ANKRD30B: variants seen among roughly 807,000 people sequenced by gnomAD.
ANKRD30B encodes ankyrin repeat domain 30B, also known as ankyrin repeat domain-containing protein 30B.
A neutral mutation model predicts 202.2 loss-of-function variants in ANKRD30B; 144 were observed. The ratio of observed to expected loss-of-function variants is 0.71; its 90% CI spans 0.62 to 0.82. The LOEUF is 0.82. Ranked by LOEUF, ANKRD30B falls within the 40% of genes least tolerant of loss-of-function variation. The pLI, the probability that ANKRD30B is intolerant of heterozygous loss-of-function variation, is 0.00. For missense variants in ANKRD30B, 1,487 were observed against 1,669.1 expected, an observed-to-expected ratio of 0.89 and a Z score of 1.90; for synonymous variants, 508 against 561.3, an observed-to-expected ratio of 0.91 and a Z score of 1.34.
intron 16 of ANKRD30B, among the ~76,000 whole-genome samples, chr18:14,795,486 G>T (rs1227044949): frequency 2.0e-5 from 3 of 152,176 alleles, no homozygotes; most frequent in African/African-American, 7.2e-5. Context: ...CATGAGCCAT[G>T]CCACCTGGAC....
chr18:14,886,159 A>G, the ANKRD30B span, among the ~76,000 whole-genome samples: 1 of 151,940 alleles, frequency 6.6e-6, no homozygotes, highest in Non-Finnish European at 1.5e-5. Context: ...AATAGAAATC[A>G]AAAACAAAAA....
chr18:14,878,358 G>T, the ANKRD30B span, among the ~76,000 whole-genome samples: 1 of 137,918 alleles, frequency 7.3e-6, no homozygotes, highest in African/African-American at 2.5e-5. Context: ...TAGAAACTTT[G>T]TTTTGCAAAA....
chr18:14,797,485 G>C (rs1248175218), intron 18 of ANKRD30B, among the ~76,000 whole-genome samples, 176 bp from the exon 19 acceptor site: 1 of 152,084 alleles, frequency 6.6e-6, no homozygotes, highest in Non-Finnish European at 1.5e-5. Context: ...AGTTTCAGGG[G>C]GTCTCCCTAC....
chr18:14,913,226 G>A, the ANKRD30B span, among the ~76,000 whole-genome samples: 5 of 152,180 alleles, frequency 3.3e-5, no homozygotes, highest in Non-Finnish European at 7.3e-5. Flanking sequence ...CAGCCTTTTA[G>A]TTACCCAGGG....
rs895718732 is a variant in ANKRD30B, at chr18:14,854,400, T to A, written c.*242T>A. Among the ~76,000 whole-genome samples, 2 of 152,176 alleles carry A rather than the reference T, an allele frequency of 1.3e-5. No homozygotes were observed. The highest frequency in any genetic ancestry group is 4.8e-5 in the African/African-American group (2 of 41,452). ...AGAGATGTCCTGGCAGTGCTTCTGG[T>A]GTGTGGGATGGGGGTAGAATCCCAT... On this transcript the variant is annotated 3_prime_UTR_variant, in exon 44 of 44. Coordinates refer to ENST00000690538, the MANE Select transcript of ANKRD30B (RefSeq NM_001367607.2).
chr18:14,765,151 A>G (rs1421921539), intron 7 of ANKRD30B, among the ~76,000 whole-genome samples: 3 of 152,140 alleles, frequency 2.0e-5, no homozygotes, highest in Non-Finnish European at 4.4e-5. Flanking sequence ...CTTTTCCTGT[A>G]AAGTGCCAGA....
chr18:14,850,511 T>C (rs989200709), intron 41 of ANKRD30B, 129 bp downstream of exon 41: 63 of 992,978 alleles, frequency 6.3e-5, no homozygotes, highest in Non-Finnish European at 4.2e-5. Context: ...TAAAATTAAC[T>C]ATGACTTTTG....
the ANKRD30B span, among the ~76,000 whole-genome samples, chr18:14,900,382 T>C: frequency 1.3e-5 from 2 of 152,184 alleles, no homozygotes; most frequent in African/African-American, 4.8e-5. Context: ...TGTGCTTTTT[T>C]TCTACCCATT....
intron 10 of ANKRD30B, 49 bp downstream of exon 10, chr18:14,778,124 A>G: frequency 7.8e-7 from 1 of 1,277,194 alleles, no homozygotes; most frequent in Non-Finnish European, 1.1e-6. Context: ...ATGTTTGTCT[A>G]AATTCATGAG....
intron 24 of ANKRD30B, among the ~76,000 whole-genome samples, chr18:14,805,563 C>A (rs1340126221): frequency 6.6e-6 from 1 of 150,388 alleles, no homozygotes; most frequent in Non-Finnish European, 1.5e-5. Flanking sequence ...CTGATCAATT[C>A]ATAACACTTT....
chr18:14,881,455 T>G, the ANKRD30B span, among the ~76,000 whole-genome samples: 1 of 152,228 alleles, frequency 6.6e-6, no homozygotes, highest in Admixed American at 6.5e-5. Flanking sequence ...GTGGATTATC[T>G]TTTTGATATG....
chr18:14,817,598 C>T (rs535952619), intron 30 of ANKRD30B, among the ~76,000 whole-genome samples: 1 of 152,286 alleles, frequency 6.6e-6, no homozygotes, highest in South Asian at 2.1e-4. Flanking sequence ...TCAAAGCCAG[C>T]TATTTTCTTC....
the ANKRD30B span, among the ~76,000 whole-genome samples, chr18:14,864,342 CA>C: frequency 6.6e-6 from 1 of 151,680 alleles, no homozygotes; most frequent in Non-Finnish European, 1.5e-5. Context: ...CTCAAAAAAC[CA>C]AACCAAACCA....
chr18:14,914,264 T>C, the ANKRD30B span, among the ~76,000 whole-genome samples: 1 of 152,354 alleles, frequency 6.6e-6, no homozygotes, highest in Admixed American at 6.5e-5. Context: ...CTTTGTTCCA[T>C]GGCCTAGCTG....
chr18:14,791,321 G>T, intron 15 of ANKRD30B, 80 bp from the exon 16 acceptor site: 1 of 1,204,482 alleles, frequency 8.3e-7, no homozygotes, highest in Non-Finnish European at 1.2e-6. Context: ...TTTTAAAAAA[G>T]ATTCTAGTTA....
At chr18:14,921,470 A>C in the ANKRD30B span, among the ~76,000 whole-genome samples, 1 of 152,204 alleles carries the variant, frequency 6.6e-6, no homozygotes, top group Non-Finnish European at 1.5e-5. Context: ...ACACAACCCA[A>C]GGTGTCACGA....
chr18:14,752,493 A>T (rs1913605087), intron 1 of ANKRD30B, 73 bp from the exon 2 acceptor site: 1 of 1,108,498 alleles, frequency 9.0e-7, no homozygotes, highest in Non-Finnish European at 1.3e-6. Context: ...TTTAATGTTT[A>T]CAATTACCTA....
At chr18:14,921,345 T>A in the ANKRD30B span, among the ~76,000 whole-genome samples, 2 of 116,596 alleles carry the variant, frequency 1.7e-5, no homozygotes, top group Non-Finnish European at 3.5e-5. Flanking sequence ...ACAAATGAGG[T>A]GCGTGTTTAG....
the ANKRD30B span, among the ~76,000 whole-genome samples, chr18:14,917,568 G>C: frequency 2.0e-5 from 3 of 152,180 alleles, no homozygotes; most frequent in African/African-American, 7.2e-5. Context: ...TAAATCAGGT[G>C]GGGGAGAAAA....
Sources: allele counts gnomAD v4.1 joint callset (sites outside exome capture counted in the v4.1 genomes callset), GRCh38; gene constraint gnomAD v4.1.1; transcripts MANE v1.5; gene names NCBI Gene and HGNC (gene_info 2026-07-23, HGNC 2026-07-21).